The following NTNG1 variants were observed in gnomAD, a reference collection of about 807,000 sequenced individuals.
The protein encoded by NTNG1 is netrin-G1.
Under a neutral mutation model 54.0 loss-of-function variants are expected in NTNG1, and 16 were observed. The ratio of observed to expected loss-of-function variants is 0.30; its 90% CI spans 0.20 to 0.45. The LOEUF (loss-of-function observed/expected upper bound fraction) is 0.45. Ranked by LOEUF, NTNG1 falls within the 20% of genes least tolerant of loss-of-function variation. NTNG1 has a pLI of 1.00. For missense variants in NTNG1, 530 were observed against 678.7 expected, an observed-to-expected ratio of 0.78 and a Z score of 2.43; for synonymous variants, 255 against 263.1, an observed-to-expected ratio of 0.97 and a Z score of 0.30.
At chr1:107,352,631 T>C (rs939129173) in intron 3 of NTNG1, among the ~76,000 whole-genome samples, 6 of 152,238 alleles carry the variant, frequency 3.9e-5, no homozygotes, top group African/African-American at 1.4e-4. Flanking sequence ...AGAAAGGGGC[T>C]ACAGGCCCCC....
At position 107,177,057 on chromosome 1, in the gene NTNG1, A is replaced by G. The variant is rs1656698877; in HGVS notation, c.246+28218A>G. On this transcript the variant is annotated intron_variant, in intron 2 of 7. Coordinates refer to ENST00000370068, the MANE Select transcript of NTNG1 (RefSeq NM_001113226.3). ...AACCACTGGTCCAAGTCAACTTCCT[A>G]AATCTTCTTCTTCAGTCTCAACTTC... 2.0e-5 allele frequency among the ~76,000 whole-genome samples: 3 copies of G among 152,120 alleles called. No homozygotes were observed. The South Asian group carries it at 6.2e-4, about 32-fold the overall frequency.
chr1:107,481,676 G>A lies in NTNG1; in HGVS notation c.*836G>A, dbSNP rs553875244. ...CTGACATTTTATTTTGTCCTCTTTC[G>A]TTCTGTTTTGTTTCACTGTGCAGAG... On this transcript the variant is annotated 3_prime_UTR_variant, in exon 8 of 8. Coordinates refer to ENST00000370068, the MANE Select transcript of NTNG1 (RefSeq NM_001113226.3). 1.7e-4 allele frequency: 26 copies of A among 152,444 alleles called. No homozygotes were observed. The highest frequency in any genetic ancestry group is 5.5e-4 in the African/African-American group (23 of 41,456). 9.4% of individuals were successfully genotyped at this position (152,444 alleles called of 1,614,324 possible). A position where few individuals can be genotyped will look rare whatever the true frequency, so the allele number is the denominator to read the frequency against.
At chr1:107,393,159 C>A (rs1672469494) in intron 3 of NTNG1, among the ~76,000 whole-genome samples, 1 of 152,142 alleles carries the variant, frequency 6.6e-6, no homozygotes, top group South Asian at 2.1e-4. Flanking sequence ...GATACATAAT[C>A]CAATTTACAA....
chr1:107,314,963 C>T (rs1306319656), intron 2 of NTNG1, among the ~76,000 whole-genome samples: 1 of 152,292 alleles, frequency 6.6e-6, no homozygotes, highest in Non-Finnish European at 1.5e-5. Flanking sequence ...GTGTTGAACA[C>T]ATCCTAAGCA....
intron 4 of NTNG1, among the ~76,000 whole-genome samples, chr1:107,395,882 C>T (rs532776443): frequency 1.3e-5 from 2 of 152,218 alleles, no homozygotes; most frequent in South Asian, 2.1e-4. Flanking sequence ...GTAGAGGCCC[C>T]CTTTGGATAA....
At chr1:107,269,008 G>A (rs1396383124) in intron 2 of NTNG1, among the ~76,000 whole-genome samples, 1 of 152,004 alleles carries the variant, frequency 6.6e-6, no homozygotes, top group African/African-American at 2.4e-5. Context: ...CTTTTATCAA[G>A]ATGGCATTCA....
intron 2 of NTNG1, among the ~76,000 whole-genome samples, chr1:107,189,112 G>C (rs904824410): frequency 4.6e-5 from 7 of 152,028 alleles, no homozygotes; most frequent in Non-Finnish European, 8.8e-5. Flanking sequence ...AGCACTTTGG[G>C]AGACCGAGGT....
At chr1:107,361,358 AACATATATATATAT>A (rs1670269710) in intron 3 of NTNG1, among the ~76,000 whole-genome samples, 2 of 75,620 alleles carry the variant, frequency 2.6e-5, no homozygotes, top group Non-Finnish European at 5.6e-5. Flanking sequence ...TACATTATAT[AACATATATATATAT>A]ACATATATAT....
At chr1:107,336,497 G>T (rs1233006829) in intron 3 of NTNG1, among the ~76,000 whole-genome samples, 2 of 151,782 alleles carry the variant, frequency 1.3e-5, no homozygotes. Context: ...AGACCTAAAT[G>T]TAAGAGCTAA....
chr1:107,386,076 T>C (rs1292161771), intron 3 of NTNG1, among the ~76,000 whole-genome samples: 1 of 147,694 alleles, frequency 6.8e-6, no homozygotes, highest in Non-Finnish European at 1.5e-5. Flanking sequence ...TATATATACA[T>C]ATATATACTT....
At chr1:107,383,246 C>G (rs998223670) in intron 3 of NTNG1, among the ~76,000 whole-genome samples, 1 of 152,166 alleles carries the variant, frequency 6.6e-6, no homozygotes, top group African/African-American at 2.4e-5. Flanking sequence ...GCTATGGAGT[C>G]AGATGGCTCA....
intron 2 of NTNG1, among the ~76,000 whole-genome samples, chr1:107,289,445 T>C (rs1665437463): frequency 6.6e-6 from 1 of 152,160 alleles, no homozygotes; most frequent in Non-Finnish European, 1.5e-5. Flanking sequence ...GCTTGGCCAA[T>C]CTTTAACAGA....
chr1:107,350,388 A>G (rs1185134038), intron 3 of NTNG1, among the ~76,000 whole-genome samples: 1 of 152,202 alleles, frequency 6.6e-6, no homozygotes, highest in Non-Finnish European at 1.5e-5. Context: ...TAATTAATCA[A>G]ATTTATCCAT....
intron 5 of NTNG1, among the ~76,000 whole-genome samples, chr1:107,410,864 A>G (rs993303287): frequency 2.0e-5 from 3 of 152,194 alleles, no homozygotes; most frequent in Admixed American, 2.0e-4. Context: ...TATAAAAAGC[A>G]TAATTAGACC....
chr1:107,336,047 C>G (rs1333190217), intron 3 of NTNG1, among the ~76,000 whole-genome samples: 1 of 151,686 alleles, frequency 6.6e-6, no homozygotes, highest in Non-Finnish European at 1.5e-5. Context: ...TATCAAAATC[C>G]CATTGACGAT....
At chr1:107,248,222 C>T (rs932803038) in intron 2 of NTNG1, among the ~76,000 whole-genome samples, 1 of 152,104 alleles carries the variant, frequency 6.6e-6, no homozygotes, top group Admixed American at 6.5e-5. Flanking sequence ...GTCCTGTGAC[C>T]TTGCCTTTGT....
At chr1:107,476,077 T>C (rs370938429) in intron 7 of NTNG1, among the ~76,000 whole-genome samples, 4 of 152,366 alleles carry the variant, frequency 2.6e-5, no homozygotes, top group African/African-American at 4.8e-5. Flanking sequence ...GCATATTTCA[T>C]TTGTCCAACT....
intron 4 of NTNG1, among the ~76,000 whole-genome samples, chr1:107,402,529 A>G (rs547227054): frequency 5.2e-4 from 79 of 152,212 alleles, no homozygotes; most frequent in Non-Finnish European, 9.3e-4. Context: ...ACACACACTC[A>G]GGCCCCAAGC....
chr1:107,207,149 G>A (rs1659257240), intron 2 of NTNG1, among the ~76,000 whole-genome samples: 1 of 152,126 alleles, frequency 6.6e-6, no homozygotes, highest in Non-Finnish European at 1.5e-5. Flanking sequence ...AAGTGTCACT[G>A]TGGGTTTTGT....
Sources: gnomAD v4.1 joint callset for allele counts (sites outside exome capture counted in the v4.1 genomes callset) on GRCh38, gnomAD v4.1.1 for gene constraint, MANE v1.5 for transcripts, NCBI Gene and HGNC (gene_info 2026-07-23, HGNC 2026-07-21) for gene names.